MACROD1: variants seen among roughly 807,000 people sequenced by gnomAD.
MACROD1 encodes the protein ADP-ribose glycohydrolase MACROD1.
A neutral mutation model predicts 41.4 loss-of-function variants in MACROD1; 31 were observed. That is an observed-to-expected ratio of 0.75 (90% CI 0.56 to 1.01). The LOEUF is 1.01. MACROD1 is among the 50% of genes least tolerant of loss of function. The probability of loss-of-function intolerance (pLI) is 0.00; values close to 1 mark genes in which losing one functional copy is unlikely to be tolerated. For synonymous variants in MACROD1, 252 were observed against 203.4 expected, an observed-to-expected ratio of 1.24 and a Z score of -2.03; for missense variants, 473 against 460.0, an observed-to-expected ratio of 1.03 and a Z score of -0.26.
chr11:64,159,054 G>A (rs1402158791), intron 1 of MACROD1, among the ~76,000 whole-genome samples: 1 of 151,920 alleles, frequency 6.6e-6, no homozygotes, highest in Non-Finnish European at 1.5e-5. Context: ...GGGTGCAGGG[G>A]CTCACACCTG....
chr11:64,121,250 C>CACGCGAGTCTCCTGTTCCTGGTTCT (rs1945092982), intron 3 of MACROD1, among the ~76,000 whole-genome samples: 1 of 152,214 alleles, frequency 6.6e-6, no homozygotes, highest in Admixed American at 6.5e-5. Flanking sequence ...GCCCCAGGAC[C>CACGCGAGTCTCCTGTTCCTGGTTCT]ACGCGAGTCT....
Position 64,152,329 on chromosome 11 carries a change from C to A in MACROD1, c.363G>T (p.Arg121Ser). ...CCTTCCATGTCGGGATCTTCTTCAG[C>A]CTGACAAAGTCCTTGCAGAAGTAAT... ...EEHYFCKDFV[R>S]LKKIPTWKEM... is the part of the protein sequence containing the mutation. The change falls in exon 2 of 11, where the codon AGG becomes AGT. Residue 121 changes from arginine to serine, a missense_variant. Physicochemically the swap from Arg to Ser is moderately radical, Grantham distance 110. Transcript: ENST00000255681. 1 of 1,614,260 alleles carries A rather than the reference C, an allele frequency of 6.2e-7. No individual in the cohort carries two copies. Among genetic ancestry groups the A allele is most frequent in the Non-Finnish European group, 8.5e-7 (1 of 1,180,046 alleles).
chr11:64,084,723 G>A (rs947515931), intron 3 of MACROD1, among the ~76,000 whole-genome samples: 3 of 152,186 alleles, frequency 2.0e-5, no homozygotes, highest in Non-Finnish European at 4.4e-5. Context: ...GTGCTGCTTC[G>A]GCTCAGCCCT....
intron 8 of MACROD1, 111 bp downstream of exon 8, chr11:63,999,220 G>C: frequency 7.0e-7 from 1 of 1,419,486 alleles, no homozygotes; most frequent in Non-Finnish European, 9.6e-7. Context: ...AACAGGGAAG[G>C]AAGGGGCGGG....
intron 3 of MACROD1, among the ~76,000 whole-genome samples, chr11:64,129,608 G>A (rs542120072): frequency 6.6e-6 from 1 of 152,296 alleles, no homozygotes; most frequent in East Asian, 1.9e-4. Flanking sequence ...GGAGGCCCAG[G>A]TTCTTGGCAG....
chr11:64,158,795 G>A (rs538978371), intron 1 of MACROD1, among the ~76,000 whole-genome samples: 110 of 152,266 alleles, frequency 7.2e-4, no homozygotes, highest in Middle Eastern at 3.4e-3. Context: ...AGTCCCTCAT[G>A]CCCAACTGCC....
intron 3 of MACROD1, among the ~76,000 whole-genome samples, chr11:64,150,644 A>G (rs2134702016): frequency 6.6e-6 from 1 of 152,272 alleles, no homozygotes; most frequent in Non-Finnish European, 1.5e-5. Context: ...ACCTTGCCAG[A>G]CAACCACTAG....
chr11:64,035,865 G>T (rs1353159699), intron 3 of MACROD1: 3 of 146,042 alleles, frequency 2.1e-5, no homozygotes, highest in Non-Finnish European at 4.6e-5. Flanking sequence ...CACCGCCGCT[G>T]GTCCCCGCCC....
At chr11:64,013,382 C>T (rs952664390) in intron 4 of MACROD1, among the ~76,000 whole-genome samples, 10 of 152,166 alleles carry the variant, frequency 6.6e-5, no homozygotes, top group South Asian at 2.1e-4. Context: ...TCGGAGTGAA[C>T]GGAGCAGCCG....
At chr11:64,012,107 A>T (rs988582330) in intron 4 of MACROD1, among the ~76,000 whole-genome samples, 1 of 152,138 alleles carries the variant, frequency 6.6e-6, no homozygotes. Flanking sequence ...CTCCGGGCCC[A>T]CTTCCTCCAG....
At chr11:64,078,317 C>G (rs550034572) in intron 3 of MACROD1, among the ~76,000 whole-genome samples, 1 of 152,342 alleles carries the variant, frequency 6.6e-6, no homozygotes, top group South Asian at 2.1e-4. Context: ...GCCTGGACCC[C>G]TGCCTGCAGG....
At position 64,090,637 on chromosome 11, in the gene MACROD1, C is replaced by T. The variant is rs1181715965; in HGVS notation, c.517+60602G>A. 4.6e-5 allele frequency among the ~76,000 whole-genome samples: 7 copies of T among 152,156 alleles called. No individual in the cohort carries two copies. Among genetic ancestry groups the T allele is most frequent in the African/African-American group, 9.7e-5 (4 of 41,434 alleles). ...AGGAGGGGTCCCAGCTGGAGCACTG[C>T]GCAGCCCCAGGCCTTGTCCCCAGCC... is the stretch of plus-strand genomic sequence containing the variant. On this transcript the variant is annotated intron_variant, in intron 3 of 10. Coordinates refer to ENST00000255681, the MANE Select transcript of MACROD1 (RefSeq NM_014067.4). This position sits in a 1 kb window ranked among gnomAD's most constrained non-coding sequence, Gnocchi z 4.7.
At chr11:64,070,240 T>A (rs1421843397) in intron 3 of MACROD1, among the ~76,000 whole-genome samples, 2 of 151,818 alleles carry the variant, frequency 1.3e-5, no homozygotes, top group Non-Finnish European at 2.9e-5. Flanking sequence ...GGTGTCTGAG[T>A]CTACTGATCA....
intron 3 of MACROD1, among the ~76,000 whole-genome samples, chr11:64,054,906 T>C (rs917467758): frequency 1.3e-5 from 2 of 152,094 alleles, no homozygotes; most frequent in Non-Finnish European, 2.9e-5. Context: ...CTTTCTGTCT[T>C]GGTGACCGCC....
intron 4 of MACROD1, among the ~76,000 whole-genome samples, chr11:64,010,066 CTGGGGTGTTGCCCAGGGTGTTGGT>C (rs1942977322): frequency 1.9e-5 from 1 of 53,550 alleles, no homozygotes; most frequent in Non-Finnish European, 3.9e-5. Flanking sequence ...GGGGTGTTGG[CTGGGGTGTTGCCCAGGGTGTTGGT>C]TGGGGTGTTG....
At chr11:64,087,851 T>A (rs1353184079) in intron 3 of MACROD1, among the ~76,000 whole-genome samples, 1 of 152,192 alleles carries the variant, frequency 6.6e-6, no homozygotes, top group African/African-American at 2.4e-5. Context: ...CTGGGGGCTG[T>A]TTCAGGAGAT....
chr11:64,013,711 C>T (rs1247401446), intron 4 of MACROD1, among the ~76,000 whole-genome samples: 1 of 152,184 alleles, frequency 6.6e-6, no homozygotes. Context: ...AGATCTCGCT[C>T]CTCACAGGCT....
At chr11:64,033,424 T>G (rs1201791564) in intron 3 of MACROD1, among the ~76,000 whole-genome samples, 1 of 152,140 alleles carries the variant, frequency 6.6e-6, no homozygotes, top group African/African-American at 2.4e-5. Context: ...AGGGACAAGG[T>G]TGCCCAGGCT....
intron 3 of MACROD1, among the ~76,000 whole-genome samples, chr11:64,030,128 C>T (rs76974916): frequency 0.03 from 4,609 of 152,094 alleles, 164 homozygotes; most frequent in South Asian, 0.18. Context: ...TCCCCACCCA[C>T]CCAGGGGCAG....
Sources: gnomAD v4.1 joint callset for allele counts (sites outside exome capture counted in the v4.1 genomes callset) on GRCh38, gnomAD v4.1.1 for gene constraint, Gnocchi (gnomAD v3.1) non-coding constraint, MANE v1.5 for transcripts, NCBI Gene and HGNC (gene_info 2026-07-23, HGNC 2026-07-21) for gene names.